Variants in CHST11 observed in about 807,000 individuals in gnomAD.
The protein encoded by CHST11 is carbohydrate sulfotransferase 11.
A neutral mutation model predicts 30.4 loss-of-function variants in CHST11; 9 were observed. That is an observed-to-expected ratio of 0.30 (90% confidence interval 0.18 to 0.52). The LOEUF (loss-of-function observed/expected upper bound fraction) is 0.52. CHST11 is among the 20% of genes least tolerant of loss of function. CHST11 has a pLI of 0.97. For missense variants in CHST11, 348 were observed against 460.6 expected, an observed-to-expected ratio of 0.76 and a Z score of 2.24; for synonymous variants, 152 against 187.8, an observed-to-expected ratio of 0.81 and a Z score of 1.56.
chr12:104,480,986 T>C (rs532839076), intron 1 of CHST11, among the ~76,000 whole-genome samples: 39 of 152,312 alleles, frequency 2.6e-4, no homozygotes, highest in African/African-American at 8.9e-4. Context: ...TTCTTTCCAG[T>C]TGGAGTCAGG....
intron 2 of CHST11, among the ~76,000 whole-genome samples, chr12:104,671,191 C>T (rs1330728480): frequency 6.6e-6 from 1 of 152,210 alleles, no homozygotes; most frequent in Non-Finnish European, 1.5e-5. Context: ...GCCATGGGCA[C>T]ACCCTCCTCC....
intron 2 of CHST11, among the ~76,000 whole-genome samples, chr12:104,606,968 T>C (rs1318516001): frequency 6.6e-6 from 1 of 151,984 alleles, no homozygotes; most frequent in Non-Finnish European, 1.5e-5. Flanking sequence ...CTCGGGAGGC[T>C]GAGGCAGGAA....
intron 1 of CHST11, among the ~76,000 whole-genome samples, chr12:104,555,854 C>A (rs986815945): frequency 8.5e-5 from 13 of 152,260 alleles, no homozygotes; most frequent in Admixed American, 7.8e-4. Context: ...GGCAGCCGCA[C>A]AAAGGCAGCC....
chr12:104,503,666 C>A (rs1421173937), intron 1 of CHST11, among the ~76,000 whole-genome samples: 1 of 152,130 alleles, frequency 6.6e-6, no homozygotes, highest in Non-Finnish European at 1.5e-5. Flanking sequence ...CCCCTAGAGG[C>A]CCTGCAGGAC....
At chr12:104,606,575 A>G (rs1016802019) in intron 2 of CHST11, among the ~76,000 whole-genome samples, 1 of 152,102 alleles carries the variant, frequency 6.6e-6, no homozygotes, top group Non-Finnish European at 1.5e-5. Flanking sequence ...CCTAAATGGG[A>G]GAGCCAGGCC....
At chr12:104,575,420 C>T (rs1027675582) in intron 1 of CHST11, among the ~76,000 whole-genome samples, 2 of 152,064 alleles carry the variant, frequency 1.3e-5, no homozygotes, top group African/African-American at 4.8e-5. Context: ...GAGGCCATGT[C>T]AGGTGGGGAC....
At chr12:104,641,154 C>T (rs559090022) in intron 2 of CHST11, among the ~76,000 whole-genome samples, 1 of 152,294 alleles carries the variant, frequency 6.6e-6, no homozygotes, top group East Asian at 1.9e-4. Flanking sequence ...CCCCTTCCTG[C>T]TGAAAGCCAC....
chr12:104,526,375 A>G (rs1479811468), intron 1 of CHST11, among the ~76,000 whole-genome samples: 2 of 152,146 alleles, frequency 1.3e-5, no homozygotes, highest in African/African-American at 2.4e-5. Context: ...TGAGCTCCAT[A>G]TAGGGGCTGA....
At chr12:104,473,120 G>T (rs1002095110) in intron 1 of CHST11, among the ~76,000 whole-genome samples, 1 of 152,160 alleles carries the variant, frequency 6.6e-6, no homozygotes, top group Non-Finnish European at 1.5e-5. Flanking sequence ...AAACTCTCTT[G>T]TTTCATTAGA....
chr12:104,586,964 A>G (rs2038811862), intron 1 of CHST11, among the ~76,000 whole-genome samples: 4 of 152,188 alleles, frequency 2.6e-5, no homozygotes, highest in South Asian at 2.1e-4. Context: ...TTTCTCAGCA[A>G]TAAAGTTCTT....
intron 2 of CHST11, among the ~76,000 whole-genome samples, chr12:104,657,445 C>T (rs1393908581): frequency 1.3e-5 from 2 of 152,070 alleles, no homozygotes; most frequent in Non-Finnish European, 2.9e-5. Context: ...TTCAGGATCA[C>T]GCCTCTCACC....
At chr12:104,698,584 G>A (rs776758271) in intron 2 of CHST11, among the ~76,000 whole-genome samples, 4 of 152,184 alleles carry the variant, frequency 2.6e-5, no homozygotes, top group Non-Finnish European at 5.9e-5. Flanking sequence ...GTATACAGAA[G>A]GCATTCAATT....
intron 1 of CHST11, among the ~76,000 whole-genome samples, chr12:104,506,550 G>A (rs1565967130): frequency 6.6e-6 from 1 of 152,162 alleles, no homozygotes; most frequent in Admixed American, 6.5e-5. Context: ...TCAGATAGTC[G>A]ATTCATTAGG....
intron 1 of CHST11, among the ~76,000 whole-genome samples, chr12:104,571,781 T>G (rs1262878876): frequency 6.6e-6 from 1 of 152,250 alleles, no homozygotes; most frequent in Non-Finnish European, 1.5e-5. Flanking sequence ...AGGGCATCCC[T>G]GTCTTGTGCC....
At chr12:104,515,206 GT>G (rs76966702) in intron 1 of CHST11, among the ~76,000 whole-genome samples, 3,626 of 152,280 alleles carry the variant, frequency 0.024, 140 homozygotes, top group East Asian at 0.17. Context: ...CTTAAATAAA[GT>G]TTCGCTGGAA....
chr12:104,479,171 G>GC (rs200729031), intron 1 of CHST11, among the ~76,000 whole-genome samples: 12 of 151,120 alleles, frequency 7.9e-5, no homozygotes, highest in East Asian at 3.9e-4. Flanking sequence ...AAAAAAAAGG[G>GC]CCCCCCCTTT....
intron 1 of CHST11, among the ~76,000 whole-genome samples, chr12:104,554,997 C>T (rs1388253018): frequency 6.6e-6 from 1 of 152,224 alleles, no homozygotes; most frequent in Non-Finnish European, 1.5e-5. Context: ...GTGATCTCAA[C>T]TATTTCATTC....
chr12:104,530,027 C>G (rs1473136389), intron 1 of CHST11, among the ~76,000 whole-genome samples: 1 of 152,064 alleles, frequency 6.6e-6, no homozygotes, highest in African/African-American at 2.4e-5. Context: ...GGCATGGTGG[C>G]ACAAGCCTGT....
intron 1 of CHST11, among the ~76,000 whole-genome samples, chr12:104,513,553 T>C (rs1592739605): frequency 6.6e-6 from 1 of 152,286 alleles, no homozygotes; most frequent in East Asian, 1.9e-4. Flanking sequence ...ACACAACCAA[T>C]TTTCTGTGTC....
Sources: allele counts gnomAD v4.1 joint callset (sites outside exome capture counted in the v4.1 genomes callset), GRCh38; gene constraint gnomAD v4.1.1; transcripts MANE v1.5; gene names NCBI Gene and HGNC (gene_info 2026-07-23, HGNC 2026-07-21).